The following IKZF3 variants were observed in gnomAD, a reference collection of about 807,000 sequenced individuals.
IKZF3 encodes the protein IKAROS family zinc finger 3, also known as zinc finger protein Aiolos.
IKZF3 carries 10 observed loss-of-function variants against 49.0 expected under a neutral mutation model. That is an observed-to-expected ratio of 0.20 (90% CI 0.13 to 0.35). The LOEUF (loss-of-function observed/expected upper bound fraction) is 0.35, where lower values mean the gene tolerates loss of function less well. IKZF3 is among the 10% of genes least tolerant of loss of function. IKZF3 has a pLI of 1.00. For missense variants in IKZF3, 498 were observed against 664.8 expected, an observed-to-expected ratio of 0.75 and a Z score of 2.76; for synonymous variants, 209 against 228.2, an observed-to-expected ratio of 0.92 and a Z score of 0.76.
chr17:39,781,146 A>T (rs2060733237), intron 6 of IKZF3, among the ~76,000 whole-genome samples: 1 of 152,230 alleles, frequency 6.6e-6, no homozygotes, highest in Non-Finnish European at 1.5e-5. Flanking sequence ...TGTCCAGCAC[A>T]GGGATAGGTT....
At chr17:39,844,733 C>T (rs2062579063) in intron 1 of IKZF3, among the ~76,000 whole-genome samples, 1 of 152,158 alleles carries the variant, frequency 6.6e-6, no homozygotes, top group Non-Finnish European at 1.5e-5. Flanking sequence ...AGCGATTCTC[C>T]TGCCTTAGCC....
chr17:39,837,901 C>T (rs1266820479), intron 1 of IKZF3, among the ~76,000 whole-genome samples: 1 of 152,112 alleles, frequency 6.6e-6, no homozygotes, highest in Non-Finnish European at 1.5e-5. Context: ...CTCAGCCTCC[C>T]AAAGTGCTGG....
intron 3 of IKZF3, among the ~76,000 whole-genome samples, chr17:39,823,215 G>T (rs1365301759): frequency 6.6e-6 from 1 of 152,168 alleles, no homozygotes; most frequent in Non-Finnish European, 1.5e-5. Flanking sequence ...ATGAGGAACT[G>T]CTTGGGAACT....
chr17:39,828,644 C>T (rs939822309), intron 3 of IKZF3, among the ~76,000 whole-genome samples: 3 of 152,158 alleles, frequency 2.0e-5, no homozygotes, highest in African/African-American at 2.4e-5. Context: ...CTGTGCAGTA[C>T]TGTGAGACTG....
In IKZF3 at chr17:39,765,616, C is replaced by T. The variant is rs1010426519; in HGVS notation, c.*174G>A. On this transcript the variant is annotated 3_prime_UTR_variant, in exon 8 of 8. Transcript: ENST00000346872. ...CAAAAGTAATAATATGCTAGACCTGCGAATAATTTCTGAAGGAAGACAGTG... is the reference window on the plus strand; with the variant it reads ...CAAAAGTAATAATATGCTAGACCTGTGAATAATTTCTGAAGGAAGACAGTG... 3.1e-5 allele frequency: 17 copies of T among 554,482 alleles called. No individual in the cohort carries two copies. The highest frequency in any genetic ancestry group is 5.3e-5 in the South Asian group (2 of 37,918). 34.3% of individuals were successfully genotyped at this position (554,482 alleles called of 1,614,324 possible).
At chr17:39,839,889 G>A (rs1458480383) in intron 1 of IKZF3, among the ~76,000 whole-genome samples, 2 of 152,128 alleles carry the variant, frequency 1.3e-5, no homozygotes, top group African/African-American at 4.8e-5. Flanking sequence ...CAAACTCCTG[G>A]CCTTAAGGTA....
At chr17:39,820,624 G>C (rs1490325934) in intron 3 of IKZF3, among the ~76,000 whole-genome samples, 3 of 152,136 alleles carry the variant, frequency 2.0e-5, no homozygotes, top group Non-Finnish European at 2.9e-5. Flanking sequence ...GTTTTGTTTT[G>C]TTTTGTTTTT....
intron 1 of IKZF3, among the ~76,000 whole-genome samples, chr17:39,862,232 AAATT>A: frequency 6.6e-6 from 1 of 151,982 alleles, no homozygotes. Flanking sequence ...AAGTCTCAAT[AAATT>A]AATTAAAAGA....
At chr17:39,786,192 G>A (rs1346675200) in intron 6 of IKZF3, among the ~76,000 whole-genome samples, 1 of 152,160 alleles carries the variant, frequency 6.6e-6, no homozygotes, top group Non-Finnish European at 1.5e-5. Context: ...CTTTAAAAAG[G>A]TAAATTTTAT....
intron 1 of IKZF3, among the ~76,000 whole-genome samples, chr17:39,854,574 T>C (rs1437167270): frequency 6.6e-6 from 1 of 152,180 alleles, no homozygotes; most frequent in Non-Finnish European, 1.5e-5. Flanking sequence ...GTCACTACGT[T>C]TCAGAAAAGG....
At chr17:39,813,750 CCT>C (rs2061616102) in intron 3 of IKZF3, among the ~76,000 whole-genome samples, 1 of 152,166 alleles carries the variant, frequency 6.6e-6, no homozygotes, top group African/African-American at 2.4e-5. Flanking sequence ...ACAGAAATCC[CCT>C]GTGAGTGAAC....
At chr17:39,834,614 T>C (rs1225128204) in intron 1 of IKZF3, among the ~76,000 whole-genome samples, 3 of 152,250 alleles carry the variant, frequency 2.0e-5, no homozygotes, top group African/African-American at 4.8e-5. Context: ...TGTGTGACTG[T>C]AGTCCTTTTA....
intron 1 of IKZF3, among the ~76,000 whole-genome samples, chr17:39,843,626 C>T (rs909662503): frequency 5.3e-5 from 8 of 151,926 alleles, no homozygotes. Context: ...TTTAAAGTGT[C>T]CTTTGTGTAC....
chr17:39,819,704 C>T (rs1290035073), intron 3 of IKZF3, among the ~76,000 whole-genome samples: 2 of 152,188 alleles, frequency 1.3e-5, no homozygotes, highest in African/African-American at 4.8e-5. Context: ...GAGTCTCACT[C>T]TATTGTCCAG....
intron 5 of IKZF3, among the ~76,000 whole-genome samples, chr17:39,789,561 T>TCAAA (rs908435064): frequency 1.3e-5 from 2 of 149,210 alleles, no homozygotes; most frequent in African/African-American, 5.0e-5. Context: ...AGACTCCATC[T>TCAAA]CAAACAAACA....
rs1166786099 is a variant in IKZF3, at chr17:39,758,443, T to C, written c.*7347A>G. 1 of 152,172 alleles carries C rather than the reference T, an allele frequency of 6.6e-6. No individual in the cohort carries two copies. The highest frequency in any genetic ancestry group is 6.5e-5 in the Admixed American group (1 of 15,274). 9.4% of individuals were successfully genotyped at this position (152,172 alleles called of 1,614,324 possible). On this transcript the variant is annotated 3_prime_UTR_variant, in exon 8 of 8. Coordinates refer to ENST00000346872, the MANE Select transcript of IKZF3 (RefSeq NM_012481.5). The stretch of plus-strand genomic sequence containing the variant: ...TTTCCTAACATGTTAAAATGTGTGT[T>C]CTCAGTCTTTTCAAGAGAGGAAGAA...
rs537275158 is a variant in IKZF3, at chr17:39,779,470, A to G, written c.710-1703T>C. ...GAGCAAAACTCCATCTCCAAAAAAT[A>G]AATAAATTAATTAAATAAATTTCAA... On this transcript the variant is annotated intron_variant, in intron 6 of 7. Transcript: ENST00000346872. 1.2e-4 allele frequency among the ~76,000 whole-genome samples: 18 copies of G among 152,258 alleles called. 1 individual carries two copies. The highest frequency in any genetic ancestry group is 6.2e-4 in the South Asian group (3 of 4,824).
chr17:39,835,616 G>T, intron 1 of IKZF3: 1 of 436,736 alleles, frequency 2.3e-6, no homozygotes, highest in South Asian at 1.8e-5. Flanking sequence ...ACTGGGCCTC[G>T]ACCTCAGCAA....
chr17:39,773,946 ATT>A (rs11319242), intron 7 of IKZF3, among the ~76,000 whole-genome samples: 63 of 151,118 alleles, frequency 4.2e-4, no homozygotes, highest in African/African-American at 1.1e-3. Context: ...ACGTGTGTCC[ATT>A]TTTTTTTTTC....
Sources: allele counts gnomAD v4.1 joint callset (sites outside exome capture counted in the v4.1 genomes callset), GRCh38; gene constraint gnomAD v4.1.1; transcripts MANE v1.5; gene names NCBI Gene and HGNC (gene_info 2026-07-23, HGNC 2026-07-21).